SF3A1: variants seen among roughly 807,000 people sequenced by gnomAD.
SF3A1 encodes the protein SAP 114.
A neutral mutation model predicts 89.9 loss-of-function variants in SF3A1; 13 were observed. That is an observed-to-expected ratio of 0.14 (90% CI 0.09 to 0.23). The LOEUF (loss-of-function observed/expected upper bound fraction) is 0.23. SF3A1 is among the 10% of genes least tolerant of loss of function. The pLI is 1.00. For missense variants in SF3A1, 604 were observed against 1,022.1 expected (o/e 0.59, Z 5.58); for synonymous variants, 405 against 374.4 (o/e 1.08, Z -0.94).
rs1190907770 is a variant in SF3A1, at chr22:30,342,838, T to C, written c.693A>G (p.Lys231=). Residue 231 remains lysine, a synonymous_variant, in exon 5 of 16, where the codon AAA becomes AAG. Coordinates refer to ENST00000215793, the MANE Select transcript of SF3A1 (RefSeq NM_005877.6). The part of the protein sequence containing the change: ...PPKGLFSKLK[K]EAENPREVLD... ...AAACTTCTCGGGGGTTTTCAGCCTC[T>C]TTCTTGAGCTTTGAAAATAAACCTT... 1 of 1,612,966 alleles carries C rather than the reference T, an allele frequency of 6.2e-7. No homozygotes were observed. Among genetic ancestry groups the C allele is most frequent in the East Asian group, 2.2e-5 (1 of 44,892 alleles).
In SF3A1 at chr22:30,335,435, C is replaced by T. The variant is rs1931035259; in HGVS notation, c.2280+32G>A. ...CTGTGAAAGCAGAGGTGTCAGGACC[C>T]AAGGGACAGGTCTGTGGACAAACTG... On this transcript the variant is annotated intron_variant, in intron 15 of 15. Transcript: ENST00000215793. 1.4e-5 allele frequency: 23 copies of T among 1,593,798 alleles called. No homozygotes were observed. The African/African-American group carries it at 2.3e-4, about 16-fold the overall frequency.
At chr22:30,337,641 C>T (rs1266612622) in intron 12 of SF3A1, 49 bp downstream of exon 12, 1 of 905,882 alleles carries the variant, frequency 1.1e-6, no homozygotes, top group South Asian at 1.4e-5. Context: ...AGTACTTGGC[C>T]CGTGGTCCCT....
chr22:30,355,815 TC>T lies in SF3A1; in HGVS notation c.63+914del, dbSNP rs11451197. ...AAAGGCATGGCTTCTTCAGTCATGTTCCCCCCCCCCGCCCCCCTTATTCTGA... is the reference window on the plus strand; with the variant it reads ...AAAGGCATGGCTTCTTCAGTCATGTTCCCCCCCCCGCCCCCCTTATTCTGA... On this transcript the variant is annotated intron_variant, in intron 1 of 15. Coordinates refer to ENST00000215793, the MANE Select transcript of SF3A1 (RefSeq NM_005877.6). 1.9e-3 allele frequency among the ~76,000 whole-genome samples: 172 copies of T among 92,318 alleles called. 1 individual carries two copies. In the East Asian group the frequency reaches 0.032, roughly 17 times the overall value. 60.6% of individuals were successfully genotyped at this position (92,318 alleles called of 152,430 possible). A position where few individuals can be genotyped will look rare whatever the true frequency, so the allele number is the denominator to read the frequency against.
Position 30,341,807 on chromosome 22 carries a change from T to C in SF3A1, c.956A>G (p.Glu319Gly). Residue 319 changes from glutamate (E) to glycine (G), a missense_variant, in exon 7 of 16, where the codon GAG (glutamate) becomes GGG (glycine). Glu to Gly is a moderately conservative substitution (Grantham distance 98, BLOSUM62 -2). Around this residue, in one of 9 missense-constraint regions of SF3A1, gnomAD observed 146 missense variants for 228.5 expected, o/e 0.64. Transcript: ENST00000215793. Reference sequence around the variant, plus strand: ...GACCTCCATCTCAACTTCCTCACTCTCCCCAAACTTTTCATAGCGCTCCTG... The same window carrying C: ...GACCTCCATCTCAACTTCCTCACTCCCCCCAAACTTTTCATAGCGCTCCTG... ...LIQERYEKFG[E>G]SEEVEMEVES... The C allele has an allele frequency of 6.2e-7, 1 of 1,613,968 alleles. No homozygotes were observed. Among genetic ancestry groups the C allele is most frequent in the Non-Finnish European group, 8.5e-7 (1 of 1,179,998 alleles).
At chr22:30,341,626 A>C in intron 7 of SF3A1, 66 bp downstream of exon 7, 1 of 1,308,002 alleles carries the variant, frequency 7.6e-7, no homozygotes, top group Admixed American at 1.9e-5. Context: ...TGACTGGTGG[A>C]GAGCACTTCG....
At position 30,340,217 on chromosome 22, in the gene SF3A1, C is replaced by T. The variant is rs747902630; in HGVS notation, c.1354G>A (p.Asp452Asn). The change falls in exon 9 of 16, where the codon GAT (aspartate) becomes AAT (asparagine). Residue 452 changes from aspartate (D) to asparagine (N), a missense_variant. Asp to Asn is a conservative substitution (Grantham distance 23). Around this residue, in one of 9 missense-constraint regions of SF3A1, gnomAD observed 146 missense variants for 228.5 expected, o/e 0.64. Transcript: ENST00000215793. ...TCACCTGGTGCGTACACCTCATCAT[C>T]GCTCTGCTTCTCACGGATGGAGCGA... ...RDRSIREKQS[D>N]DEVYAPGLDI... 6 of 1,584,928 alleles carry T rather than the reference C, an allele frequency of 3.8e-6. No individual in the cohort carries two copies. The highest frequency in any genetic ancestry group is 4.5e-5 in the East Asian group (2 of 44,270).
chr22:30,335,387 A>C (rs1931033286), intron 15 of SF3A1, 80 bp downstream of exon 15: 1 of 1,219,174 alleles, frequency 8.2e-7, no homozygotes, highest in Non-Finnish European at 1.2e-6. Flanking sequence ...CTCCCCTTTT[A>C]GCTTCCATGA....
rs142617270 is a variant in SF3A1 at position 30,346,417 on chromosome 22, G to A, written c.288C>T (p.His96=). 2 of 1,613,994 alleles carry A rather than the reference G, an allele frequency of 1.2e-6. No homozygotes were observed. Among genetic ancestry groups the A allele is most frequent in the Non-Finnish European group, 1.7e-6 (2 of 1,180,022 alleles). The change falls in exon 3 of 16, where the codon CAC becomes CAT. Residue 96 remains histidine (H), a synonymous_variant. Coordinates refer to ENST00000215793, the MANE Select transcript of SF3A1 (RefSeq NM_005877.6). ...PNDPYHAYYR[H]KVSEFKEGKA... is the part of the protein sequence containing the mutation. ...TCCCTTCCTTGAACTCGCTGACCTTGTGGCGGTAGTAGGCATGGTAAGGGT... is the reference window on the plus strand; with the variant it reads ...TCCCTTCCTTGAACTCGCTGACCTTATGGCGGTAGTAGGCATGGTAAGGGT...
intron 2 of SF3A1, among the ~76,000 whole-genome samples, chr22:30,349,942 G>A (rs2145819422): frequency 6.6e-6 from 1 of 152,186 alleles, no homozygotes; most frequent in East Asian, 1.9e-4. Context: ...ACCTAACCTG[G>A]TCATATATAT....
At chr22:30,335,804 G>T (rs1214233775) in intron 13 of SF3A1, 51 bp from the exon 14 acceptor site, 4 of 1,443,566 alleles carry the variant, frequency 2.8e-6, no homozygotes, top group African/African-American at 2.8e-5. Flanking sequence ...AGCCAATCAA[G>T]AACTATGCTC....
At chr22:30,335,086 G>A (rs1262745328) in intron 15 of SF3A1, among the ~76,000 whole-genome samples, 1 of 152,188 alleles carries the variant, frequency 6.6e-6, no homozygotes, top group African/African-American at 2.4e-5. Flanking sequence ...ATGCCTCCAT[G>A]TGACCTGGCA....
chr22:30,336,974 C>T (rs908358282), intron 13 of SF3A1, 52 bp downstream of exon 13: 4 of 1,607,006 alleles, frequency 2.5e-6, no homozygotes, highest in African/African-American at 1.3e-5. Context: ...ACGACAGGGG[C>T]GGGACTGAAC....
In SF3A1 at chr22:30,341,776, A is replaced by G. The variant is rs1168790638; in HGVS notation, c.987T>C (p.Ser329=). ...TCTCCTGTTTGTCATCCTCCTCATCAGACTCGACCTCCATCTCAACTTCCT... is the reference window on the plus strand; with the variant it reads ...TCTCCTGTTTGTCATCCTCCTCATCGGACTCGACCTCCATCTCAACTTCCT... The part of the protein sequence containing the change: ...ESEEVEMEVE[S]DEEDDKQEKA... Residue 329 remains serine, a synonymous_variant, in exon 7 of 16, where the codon TCT becomes TCC. Transcript: ENST00000215793. 2.5e-6 allele frequency: 4 copies of G among 1,614,118 alleles called. No homozygotes were observed. Among genetic ancestry groups the G allele is most frequent in the Non-Finnish European group, 3.4e-6 (4 of 1,180,014 alleles).
At position 30,356,750 on chromosome 22, in the gene SF3A1, C is replaced by T. The variant is rs1254564781; in HGVS notation, c.43G>A (p.Val15Met). The T allele has an allele frequency of 1.3e-6, 2 of 1,485,162 alleles. No individual in the cohort carries two copies. The highest frequency in any genetic ancestry group is 1.8e-4 in the Middle Eastern group (1 of 5,594). 92.0% of individuals were successfully genotyped at this position (1,485,162 alleles called of 1,614,324 possible). Residue 15 changes from valine (V) to methionine (M), a missense_variant, in exon 1 of 16, where the codon GTG becomes ATG. Coordinates refer to ENST00000215793, the MANE Select transcript of SF3A1 (RefSeq NM_005877.6). Reference protein sequence around the residue: ...PVQAVPPPPPVPTEPKQPTEE... With the variant: ...PVQAVPPPPPMPTEPKQPTEE... ...GGTACCTGTTTGGGCTCCGTGGGCA[C>T]GGGCGGCGGCGGGGGCACCGCCTGC...
chr22:30,338,048 G>T lies in SF3A1; in HGVS notation c.1744-151C>A, dbSNP rs117748563. ...GGACTGAGAAACTGTGGCCTACACT[G>T]GGCGTCCAATAGGAACTGAGCTGCT... On this transcript the variant is annotated intron_variant, in intron 11 of 15. Transcript: ENST00000215793. 4.3e-6 allele frequency: 3 copies of T among 698,744 alleles called. No individual in the cohort carries two copies. The East Asian group carries it at 8.1e-5, about 19-fold the overall frequency. The allele number at this position is 698,744 out of a possible 1,614,324, so 43.3% of individuals were successfully genotyped here.
Position 30,345,076 on chromosome 22 carries a change from T to C in SF3A1, c.508A>G (p.Thr170Ala). The C allele has an allele frequency of 6.2e-7, 1 of 1,614,194 alleles. No individual in the cohort carries two copies. Among genetic ancestry groups the C allele is most frequent in the Non-Finnish European group, 8.5e-7 (1 of 1,180,040 alleles). Residue 170 changes from threonine (T) to alanine (A), a missense_variant, in exon 4 of 16, where the codon ACG (threonine) becomes GCG (alanine). Around this residue, in one of 9 missense-constraint regions of SF3A1, gnomAD observed 162 missense variants for 229.2 expected, o/e 0.71. Transcript: ENST00000215793. ...CCATTCCTGGCCACAAACTGAGCCG[T>C]CAGCTTCACCACATCCAAGTCGAAG... ...SAFDLDVVKL[T>A]AQFVARNGRQ...
chr22:30,346,283 G>GT lies in SF3A1; in HGVS notation c.393+28dup, dbSNP rs774155549. On this transcript the variant is annotated intron_variant, in intron 3 of 15. Coordinates refer to ENST00000215793, the MANE Select transcript of SF3A1 (RefSeq NM_005877.6). ...TCCCTGTTTCCCTCTCAAGCCCTGC[G>GT]TAAGTGAAGGGGGCACTGGGCTCCA... 2,094 of 1,456,010 alleles carry GT rather than the reference G, an allele frequency of 1.4e-3. 1 individual carries two copies. Among genetic ancestry groups the GT allele is most frequent in the Non-Finnish European group, 1.8e-3 (1,880 of 1,037,672 alleles). The allele number at this position is 1,456,010 out of a possible 1,614,324, so 90.2% of individuals were successfully genotyped here.
At chr22:30,354,924 T>C (rs1395468847) in intron 1 of SF3A1, among the ~76,000 whole-genome samples, 1 of 152,170 alleles carries the variant, frequency 6.6e-6, no homozygotes, top group Non-Finnish European at 1.5e-5. Context: ...ACCCGGTCTC[T>C]TAAAAAAAAC....
In SF3A1 at chr22:30,334,373, G is replaced by A; in HGVS notation, c.*221C>T. 7.0e-6 allele frequency: 3 copies of A among 430,304 alleles called. No individual in the cohort carries two copies. Among genetic ancestry groups the A allele is most frequent in the Non-Finnish European group, 8.2e-6 (2 of 243,232 alleles). The allele number at this position is 430,304 out of a possible 1,614,324, so 26.7% of individuals were successfully genotyped here. Reference sequence around the variant, plus strand: ...CCTCAAATCGAGACCCTAACACAAAGAGATTCCAGAGAGTGGCTTAGAAAA... The same window carrying A: ...CCTCAAATCGAGACCCTAACACAAAAAGATTCCAGAGAGTGGCTTAGAAAA... On this transcript the variant is annotated 3_prime_UTR_variant, in exon 16 of 16. Coordinates refer to ENST00000215793, the MANE Select transcript of SF3A1 (RefSeq NM_005877.6).
Sources: gnomAD v4.1 joint callset for allele counts (sites outside exome capture counted in the v4.1 genomes callset) on GRCh38, gnomAD v4.1.1 for gene constraint, gnomAD v4.1.1 regional missense constraint, MANE v1.5 for transcripts, NCBI Gene and HGNC (gene_info 2026-07-23, HGNC 2026-07-21) for gene names.